The following PHACTR3 variants were observed in gnomAD, a reference collection of about 807,000 sequenced individuals.
PHACTR3 encodes protein phosphatase 1, regulatory subunit 123.
Under a neutral mutation model 66.8 loss-of-function variants are expected in PHACTR3, and 16 were observed. The ratio of observed to expected loss-of-function variants is 0.24; its 90% CI spans 0.16 to 0.36. The LOEUF is 0.36. PHACTR3 is among the 10% of genes least tolerant of loss of function. The probability of loss-of-function intolerance (pLI) is 1.00; values close to 1 mark genes in which losing one functional copy is unlikely to be tolerated. For synonymous variants in PHACTR3, 323 were observed against 292.1 expected (o/e 1.11, Z -1.08); for missense variants, 647 against 719.9 (o/e 0.90, Z 1.16).
intron 1 of PHACTR3, among the ~76,000 whole-genome samples, chr20:59,643,818 G>A (rs546771545): frequency 2.0e-5 from 3 of 152,166 alleles, no homozygotes; most frequent in Non-Finnish European, 4.4e-5. Flanking sequence ...AGTGAAAAGG[G>A]GGGTGGGGAT....
intron 1 of PHACTR3, among the ~76,000 whole-genome samples, chr20:59,661,883 C>G (rs6128657): frequency 0.15 from 23,527 of 152,020 alleles, 2,310 homozygotes; most frequent in East Asian, 0.25. Context: ...CTCTTGTCCA[C>G]AGGGTGACCG....
intron 1 of PHACTR3, among the ~76,000 whole-genome samples, chr20:59,730,532 G>A (rs1022465890): frequency 3.3e-5 from 5 of 152,094 alleles, no homozygotes; most frequent in African/African-American, 1.2e-4. Flanking sequence ...GAGTGGAAGC[G>A]GGAAACCAGG....
intron 1 of PHACTR3, among the ~76,000 whole-genome samples, chr20:59,735,731 C>A (rs1239236132): frequency 1.3e-5 from 2 of 152,122 alleles, no homozygotes; most frequent in African/African-American, 4.8e-5. Flanking sequence ...CGAGACCCAG[C>A]AACAAGCACG....
rs551198906 is a variant in PHACTR3, at chr20:59,637,799, G to A, written c.118+32667G>A. Among the ~76,000 whole-genome samples, 24 of 152,048 alleles carry A rather than the reference G, an allele frequency of 1.6e-4. No individual in the cohort carries two copies. The South Asian group carries it at 4.2e-3, about 26-fold the overall frequency. Reference sequence around the variant, plus strand: ...TGATGTGGCTGCATTCTTTTTGCTCGTTGAGAAGTTGCTAGAAGACAGGGT... The same window carrying A: ...TGATGTGGCTGCATTCTTTTTGCTCATTGAGAAGTTGCTAGAAGACAGGGT... On this transcript the variant is annotated intron_variant, in intron 1 of 12. Coordinates refer to ENST00000371015, the MANE Select transcript of PHACTR3 (RefSeq NM_080672.5).
Position 59,808,609 on chromosome 20 carries a change from C to T in PHACTR3, c.1328+2415C>T, listed in dbSNP as rs555101663. Among the ~76,000 whole-genome samples the T allele has an allele frequency of 2.6e-5, 4 of 152,370 alleles. No individual in the cohort carries two copies. The East Asian group carries it at 7.7e-4, about 29-fold the overall frequency. Reference sequence around the variant, plus strand: ...GTGCCCCAGGGGTGAGGGGAACCAGCTCCCGGAGCGCCAGTGCCTCTGTTG... The same window carrying T: ...GTGCCCCAGGGGTGAGGGGAACCAGTTCCCGGAGCGCCAGTGCCTCTGTTG... On this transcript the variant is annotated intron_variant, in intron 8 of 12. Coordinates refer to ENST00000371015, the MANE Select transcript of PHACTR3 (RefSeq NM_080672.5).
chr20:59,595,716 T>C (rs1473042517), intron 1 of PHACTR3, among the ~76,000 whole-genome samples: 2 of 152,306 alleles, frequency 1.3e-5, no homozygotes, highest in East Asian at 3.9e-4. Context: ...CATTCATCCA[T>C]TTTTTTCTTT....
intron 4 of PHACTR3, among the ~76,000 whole-genome samples, chr20:59,757,865 G>A (rs886482004): frequency 1.3e-5 from 2 of 152,286 alleles, no homozygotes; most frequent in African/African-American, 2.4e-5. Flanking sequence ...AGCTACTCAC[G>A]AAGCTGAGGC....
intron 1 of PHACTR3, among the ~76,000 whole-genome samples, chr20:59,696,747 G>A (rs1035756680): frequency 3.9e-5 from 6 of 152,192 alleles, no homozygotes; most frequent in Admixed American, 6.5e-5. Flanking sequence ...AGGAGAGCCA[G>A]GCCAGCATTT....
chr20:59,677,668 C>T (rs1414094650), intron 1 of PHACTR3, among the ~76,000 whole-genome samples: 1 of 152,160 alleles, frequency 6.6e-6, no homozygotes, highest in Non-Finnish European at 1.5e-5. Flanking sequence ...TGCTAAAACC[C>T]CTTCCCTGAA....
At chr20:59,793,833 C>T (rs2041174279) in intron 7 of PHACTR3, among the ~76,000 whole-genome samples, 1 of 151,752 alleles carries the variant, frequency 6.6e-6, no homozygotes, top group Non-Finnish European at 1.5e-5. Context: ...TAAAAGTGGG[C>T]ATCCTTAGCT....
At chr20:59,653,812 G>T (rs1304361812) in intron 1 of PHACTR3, among the ~76,000 whole-genome samples, 1 of 152,004 alleles carries the variant, frequency 6.6e-6, no homozygotes, top group Non-Finnish European at 1.5e-5. Flanking sequence ...GATATTCTTT[G>T]CTCTTAAAAT....
At position 59,774,430 on chromosome 20, in the gene PHACTR3, C is replaced by T. The variant is rs777353079; in HGVS notation, c.1114C>T (p.Leu372Phe). 1.9e-5 allele frequency: 31 copies of T among 1,613,932 alleles called. No homozygotes were observed. The highest frequency in any genetic ancestry group is 2.3e-5 in the Non-Finnish European group (27 of 1,179,958). Residue 372 changes from leucine (L) to phenylalanine (F), a missense_variant, in exon 7 of 13, where the codon CTC (leucine) becomes TTC (phenylalanine). Physicochemically the swap from Leu to Phe is conservative, Grantham distance 22 (BLOSUM62 0). Transcript: ENST00000371015. ...NKENLIINSE[L>F]KDDLLLYQDE... is the part of the protein sequence containing the mutation. ...GGAGAACCTGATCATAAATTCTGAA[C>T]TCAAAGACGACTTGCTTTTGTATCA... is the stretch of plus-strand genomic sequence containing the variant.
intron 1 of PHACTR3, among the ~76,000 whole-genome samples, chr20:59,651,843 A>G (rs2035468963): frequency 7.4e-6 from 1 of 134,254 alleles, no homozygotes. Flanking sequence ...GTAGGTAGGT[A>G]GGTAGGTAGG....
chr20:59,623,814 C>T (rs1051934175), intron 1 of PHACTR3, among the ~76,000 whole-genome samples: 1 of 152,218 alleles, frequency 6.6e-6, no homozygotes, highest in South Asian at 2.1e-4. Context: ...GGGCCTGCCA[C>T]GCGGGACAGG....
chr20:59,618,543 G>A lies in PHACTR3; in HGVS notation c.118+13411G>A, dbSNP rs140023437. ...AAAAGGGGCTGGGACTACATTGCCC[G>A]GAGGAAGATCTGTGCAGGAGAGGAG... On this transcript the variant is annotated intron_variant, in intron 1 of 12. Coordinates refer to ENST00000371015, the MANE Select transcript of PHACTR3 (RefSeq NM_080672.5). 4.7e-3 allele frequency among the ~76,000 whole-genome samples: 712 copies of A among 152,322 alleles called. 6 individuals are homozygous for A. Among genetic ancestry groups the A allele is most frequent in the Non-Finnish European group, 5.8e-3 (392 of 68,018 alleles).
At chr20:59,707,868 T>C (rs1047697126) in intron 1 of PHACTR3, among the ~76,000 whole-genome samples, 2 of 152,212 alleles carry the variant, frequency 1.3e-5, no homozygotes, top group Non-Finnish European at 2.9e-5. Context: ...CAGTGCCGTA[T>C]TTCTTGTACA....
In PHACTR3 at chr20:59,732,377, G is replaced by A. The variant is rs569725488; in HGVS notation, c.119-10730G>A. Among the ~76,000 whole-genome samples the A allele has an allele frequency of 5.3e-5, 8 of 152,314 alleles. No individual in the cohort carries two copies. In the East Asian group the frequency reaches 9.6e-4, roughly 18 times the overall value. ...GGAGCTGAAAATATAGGCCCTGCCT[G>A]TTAGGGTTGTTTGCCTGGAATGAAC... is the stretch of plus-strand genomic sequence containing the variant. On this transcript the variant is annotated intron_variant, in intron 1 of 12. Transcript: ENST00000371015.
At chr20:59,655,972 T>G (rs188034771) in intron 1 of PHACTR3, among the ~76,000 whole-genome samples, 22 of 152,064 alleles carry the variant, frequency 1.4e-4, no homozygotes, top group Admixed American at 1.0e-3. Context: ...TTTCTGTTAT[T>G]GCTTTCTAAT....
chr20:59,638,320 C>A (rs2146414133), intron 1 of PHACTR3, among the ~76,000 whole-genome samples: 1 of 152,192 alleles, frequency 6.6e-6, no homozygotes, highest in Non-Finnish European at 1.5e-5. Flanking sequence ...CTTATCTATG[C>A]CTTATACACA....
Sources: allele counts gnomAD v4.1 joint callset (sites outside exome capture counted in the v4.1 genomes callset), GRCh38; gene constraint gnomAD v4.1.1; transcripts MANE v1.5; gene names NCBI Gene and HGNC (gene_info 2026-07-23, HGNC 2026-07-21).